CNBP: variants seen among roughly 807,000 people sequenced by gnomAD.
CNBP encodes CCHC-type zinc finger nucleic acid binding protein.
Under a neutral mutation model 21.2 loss-of-function variants are expected in CNBP, and 6 were observed. That is an observed-to-expected ratio of 0.28 (90% confidence interval 0.16 to 0.56). CNBP has a LOEUF of 0.56. Ranked by LOEUF, CNBP falls within the 20% of genes least tolerant of loss-of-function variation. The probability of loss-of-function intolerance (pLI) is 0.93; values close to 1 mark genes in which losing one functional copy is unlikely to be tolerated. For missense variants in CNBP, 112 were observed against 233.1 expected (o/e 0.48, Z 3.38); for synonymous variants, 61 against 74.9 (o/e 0.81, Z 0.96).
intron 1 of CNBP, among the ~76,000 whole-genome samples, chr3:129,181,668 AC>A (rs1938311586): frequency 1.3e-5 from 2 of 149,010 alleles, no homozygotes; most frequent in Admixed American, 6.7e-5. Context: ...AAAAAGAAAA[AC>A]CCCTGGTCTT....
At chr3:129,170,599 T>C in intron 4 of CNBP, 29 bp from the exon 5 acceptor site, 1 of 1,573,962 alleles carries the variant, frequency 6.4e-7, no homozygotes, top group Admixed American at 1.7e-5. Context: ...GTTTTCACAA[T>C]GGGCCTCAGA....
At chr3:129,173,047 G>T (rs1380434023) in intron 1 of CNBP, among the ~76,000 whole-genome samples, 2 of 152,162 alleles carry the variant, frequency 1.3e-5, no homozygotes, top group Admixed American at 6.5e-5. Context: ...TCTCTAGATG[G>T]TACAAGTACA....
chr3:129,182,398 TA>T (rs1383905483), intron 1 of CNBP, among the ~76,000 whole-genome samples: 1 of 152,190 alleles, frequency 6.6e-6, no homozygotes, highest in Non-Finnish European at 1.5e-5. Flanking sequence ...GTTCTCTTTT[TA>T]CAAGACCCCC....
chr3:129,179,303 G>A (rs914743856), intron 1 of CNBP, among the ~76,000 whole-genome samples: 1 of 151,980 alleles, frequency 6.6e-6, no homozygotes, highest in Admixed American at 6.6e-5. Context: ...GAAAAAAAAA[G>A]CAATGAAAGG....
intron 1 of CNBP, among the ~76,000 whole-genome samples, chr3:129,181,347 T>C (rs1309163797): frequency 1.3e-5 from 2 of 149,736 alleles, no homozygotes; most frequent in African/African-American, 4.9e-5. Context: ...TTCCAGATGT[T>C]CAAATGCCAG....
Position 129,171,033 on chromosome 3 carries a change from GA to G in CNBP, c.416+45del, listed in dbSNP as rs1937558449. ...ATTTATAGCTAATTCATCTCTGGAA[GA>G]ATCTCTGCAATGAGTTTTCTTCTAA... On this transcript the variant is annotated intron_variant, in intron 4 of 4. Transcript: ENST00000422453. 7.0e-6 allele frequency: 11 copies of G among 1,563,586 alleles called. No homozygotes were observed. In the East Asian group the frequency reaches 2.5e-4, roughly 35 times the overall value.
chr3:129,179,550 T>C (rs1029255662), intron 1 of CNBP, among the ~76,000 whole-genome samples: 9 of 152,110 alleles, frequency 5.9e-5, no homozygotes, highest in African/African-American at 2.2e-4. Flanking sequence ...AGTTATGTAT[T>C]CTTGCTCCAT....
In CNBP at chr3:129,168,159, G is replaced by T. The variant is rs565429431; in HGVS notation, c.*2294C>A. ...TGCTAACCGCATTTAATTTCGAAGTGGGGGGAAACAGGGCATGGGGAGTGA... is the reference window on the plus strand; with the variant it reads ...TGCTAACCGCATTTAATTTCGAAGTTGGGGGAAACAGGGCATGGGGAGTGA... On this transcript the variant is annotated 3_prime_UTR_variant, in exon 5 of 5. Coordinates refer to ENST00000422453, the MANE Select transcript of CNBP (RefSeq NM_003418.5). 1.9e-4 allele frequency among the ~76,000 whole-genome samples: 29 copies of T among 152,238 alleles called. 1 individual carries two copies. In the South Asian group the frequency reaches 6.0e-3, roughly 32 times the overall value.
intron 1 of CNBP, among the ~76,000 whole-genome samples, chr3:129,183,420 G>A (rs1028852878): frequency 6.6e-6 from 1 of 152,132 alleles, no homozygotes; most frequent in African/African-American, 2.4e-5. Context: ...ATCCACCCTC[G>A]GTCCCTCATT....
At chr3:129,182,060 G>A (rs948069958) in intron 1 of CNBP, among the ~76,000 whole-genome samples, 4 of 151,976 alleles carry the variant, frequency 2.6e-5, no homozygotes, top group East Asian at 1.9e-4. Context: ...CAGGAGATAA[G>A]TACTATATCT....
Position 129,169,018 on chromosome 3 carries a change from C to T in CNBP, c.*1435G>A, listed in dbSNP as rs1345154722. ...TCAGGAGGCTGAGGCAGGAGAATGG[C>T]ACGAACCCAGGAGGCGGAGCTTGCA... On this transcript the variant is annotated 3_prime_UTR_variant, in exon 5 of 5. Coordinates refer to ENST00000422453, the MANE Select transcript of CNBP (RefSeq NM_003418.5). 6.6e-6 allele frequency among the ~76,000 whole-genome samples: 1 copy of T among 151,670 alleles called. No homozygotes were observed. Among genetic ancestry groups the T allele is most frequent in the East Asian group, 1.9e-4 (1 of 5,170 alleles).
Position 129,168,230 on chromosome 3 carries a change from T to C in CNBP, c.*2223A>G, listed in dbSNP as rs1251910609. Among the ~76,000 whole-genome samples the C allele has an allele frequency of 1.3e-5, 2 of 152,044 alleles. No homozygotes were observed. The highest frequency in any genetic ancestry group is 2.9e-5 in the Non-Finnish European group (2 of 67,994). ...CTCTAACTGTACATCCTTAAGTAAA[T>C]TAAGTTTAACTCATCTATTAAAAAG... is the stretch of plus-strand genomic sequence containing the variant. On this transcript the variant is annotated 3_prime_UTR_variant, in exon 5 of 5. Coordinates refer to ENST00000422453, the MANE Select transcript of CNBP (RefSeq NM_003418.5).
chr3:129,171,439 T>C lies in CNBP; in HGVS notation c.217+7A>G. On this transcript the variant is annotated splice_region_variant and intron_variant, in intron 3 of 4. Transcript: ENST00000422453. ...AGGGGTATGAAAAGGAAGTGTTAAA[T>C]ACTTACCATCCTCCTGAAGATCACA... The C allele has an allele frequency of 6.2e-7, 1 of 1,612,326 alleles. No homozygotes were observed. The highest frequency in any genetic ancestry group is 1.1e-5 in the South Asian group (1 of 91,070).
chr3:129,174,680 A>T (rs2107639631), intron 1 of CNBP, among the ~76,000 whole-genome samples: 1 of 148,668 alleles, frequency 6.7e-6, no homozygotes, highest in African/African-American at 2.5e-5. Flanking sequence ...AAAAAAAGGC[A>T]TATAAAATGG....
At chr3:129,172,656 GCAGACAGACAGACAGACAGA>G (rs1169469064) in intron 1 of CNBP, among the ~76,000 whole-genome samples, 4 of 112,596 alleles carry the variant, frequency 3.6e-5, no homozygotes, top group Admixed American at 9.5e-5. Context: ...AGGCAGGCAG[GCAGACAGACAGACAGACAGA>G]CAGACAGACA....
chr3:129,173,506 T>C (rs142112639), intron 1 of CNBP, among the ~76,000 whole-genome samples: 7 of 152,342 alleles, frequency 4.6e-5, no homozygotes, highest in African/African-American at 1.7e-4. Context: ...CAAATGTTTC[T>C]GTAATGTAAT....
At chr3:129,183,142 C>T (rs1331035960) in intron 1 of CNBP, among the ~76,000 whole-genome samples, 1 of 152,006 alleles carries the variant, frequency 6.6e-6, no homozygotes, top group African/African-American at 2.4e-5. Context: ...TACAGACCAA[C>T]TTTCACCATA....
intron 1 of CNBP, among the ~76,000 whole-genome samples, chr3:129,181,925 A>G (rs1330844619): frequency 6.6e-6 from 1 of 152,202 alleles, no homozygotes; most frequent in African/African-American, 2.4e-5. Context: ...GACAAGAATC[A>G]GGCTCAACAA....
chr3:129,176,507 G>C (rs1937916470), intron 1 of CNBP, among the ~76,000 whole-genome samples: 4 of 152,152 alleles, frequency 2.6e-5, no homozygotes, highest in Admixed American at 2.6e-4. Context: ...ATGTAACTCA[G>C]TATTTTAATT....
Sources: allele counts gnomAD v4.1 joint callset (sites outside exome capture counted in the v4.1 genomes callset), GRCh38; gene constraint gnomAD v4.1.1; transcripts MANE v1.5; gene names NCBI Gene and HGNC (gene_info 2026-07-23, HGNC 2026-07-21).